The following EEF1AKMT4 variants were observed in gnomAD, a reference collection of about 807,000 sequenced individuals.
The protein encoded by EEF1AKMT4 is eukaryotic translation elongation factor 1 alpha lysine specific methyltransferase 4.
In EEF1AKMT4, 17 loss-of-function variants were observed where a neutral mutation model predicts 23.0. The observed-to-expected ratio is 0.74, with a 90% CI of 0.51 to 1.11. The LOEUF (loss-of-function observed/expected upper bound fraction) is 1.11. EEF1AKMT4 is among the 50% of genes least tolerant of loss of function. The probability of loss-of-function intolerance (pLI) is 0.00; values close to 1 mark genes in which losing one functional copy is unlikely to be tolerated. For missense variants in EEF1AKMT4, 318 were observed against 333.4 expected, an observed-to-expected ratio of 0.95 and a Z score of 0.36; for synonymous variants, 140 against 141.4, an observed-to-expected ratio of 0.99 and a Z score of 0.07.
chr3:184,255,118 A>C (rs1719736833), intron 1 of EEF1AKMT4, among the ~76,000 whole-genome samples: 2 of 152,228 alleles, frequency 1.3e-5, no homozygotes, highest in African/African-American at 4.8e-5. Context: ...GAACAAAGGA[A>C]GGAAATCTGG....
At position 184,258,755 on chromosome 3, in the gene EEF1AKMT4, C is replaced by T. The variant is rs1719926092; in HGVS notation, c.*180C>T. 1 of 1,297,560 alleles carries T rather than the reference C, an allele frequency of 7.7e-7. No homozygotes were observed. The highest frequency in any genetic ancestry group is 2.7e-5 in the South Asian group (1 of 37,386). 80.4% of individuals were successfully genotyped at this position (1,297,560 alleles called of 1,614,324 possible). On this transcript the variant is annotated 3_prime_UTR_variant, in exon 3 of 3. Transcript: ENST00000324557. ...CAATACAGCCCAGCTCCAACTAGAT[C>T]CAGATTCCAGGTTTCTTGCTTCTTT...
chr3:184,255,942 G>T (rs1230864063), intron 1 of EEF1AKMT4, among the ~76,000 whole-genome samples: 1 of 152,160 alleles, frequency 6.6e-6, no homozygotes, highest in Non-Finnish European at 1.5e-5. Flanking sequence ...TTGAGGGCAG[G>T]GACTTTTATT....
At chr3:184,252,254 T>TA (rs1214232515) in intron 1 of EEF1AKMT4, among the ~76,000 whole-genome samples, 8 of 152,016 alleles carry the variant, frequency 5.3e-5, no homozygotes, top group African/African-American at 1.9e-4. Flanking sequence ...ACTGATGCTT[T>TA]AAAAAAAATC....
intron 2 of EEF1AKMT4, 143 bp downstream of exon 2, chr3:184,257,899 G>A (rs2108451976): frequency 9.4e-7 from 1 of 1,069,378 alleles, no homozygotes; most frequent in Non-Finnish European, 1.3e-6. Context: ...TCTCTGAAGG[G>A]AGGGAAGGGT....
intron 1 of EEF1AKMT4, 27 bp downstream of exon 1, chr3:184,249,917 A>G (rs1238985995): frequency 6.3e-7 from 1 of 1,599,126 alleles, no homozygotes; most frequent in African/African-American, 1.3e-5. Context: ...CGGCCCCGCC[A>G]GGTAGAGCTG....
chr3:184,258,626 A>G lies in EEF1AKMT4; in HGVS notation c.*51A>G. ...CCTGCCATTCTGCCCTGGGCTCCTCAGGTAGTTGGAATTCCTGACTTAGGA... is the reference window on the plus strand; with the variant it reads ...CCTGCCATTCTGCCCTGGGCTCCTCGGGTAGTTGGAATTCCTGACTTAGGA... On this transcript the variant is annotated 3_prime_UTR_variant, in exon 3 of 3. Coordinates refer to ENST00000324557, the MANE Select transcript of EEF1AKMT4 (RefSeq NM_032331.4). 1 of 1,515,552 alleles carries G rather than the reference A, an allele frequency of 6.6e-7. No homozygotes were observed. The allele number at this position is 1,515,552 out of a possible 1,614,324, so 93.9% of individuals were successfully genotyped here.
chr3:184,257,302 C>T (rs1050423727), intron 1 of EEF1AKMT4, among the ~76,000 whole-genome samples, 171 bp from the exon 2 acceptor site: 4 of 152,122 alleles, frequency 2.6e-5, no homozygotes, highest in Non-Finnish European at 5.9e-5. Flanking sequence ...GGGTTTGCAC[C>T]CAGGCCTGTG....
rs1331965044 is a variant in EEF1AKMT4 at position 184,257,761 on chromosome 3, G to A, written c.480+5G>A. 1 of 1,607,100 alleles carries A rather than the reference G, an allele frequency of 6.2e-7. No homozygotes were observed. On this transcript the variant is annotated splice_donor_5th_base_variant and intron_variant, in intron 2 of 2. Transcript: ENST00000324557. ...GTGGACCAGGTGTTGAGTGAGGTGA[G>A]GGAGCAACAAGAGAGGAAAGCAGAT...
In EEF1AKMT4 at chr3:184,257,574, C is replaced by T. The variant is rs892572688; in HGVS notation, c.298C>T (p.Arg100Cys). The change falls in exon 2 of 3, where the codon CGC (arginine) becomes TGC (cysteine). Residue 100 changes from arginine to cysteine, a missense_variant. Physicochemically the swap from Arg to Cys is radical, Grantham distance 180. Transcript: ENST00000324557. ...SSVVVAAMQA[R>C]HAHVPQLRWE... ...AGTCGTGGTGGCTGCCATGCAGGCTCGCCATGCCCATGTGCCGCAGCTGCG... is the reference window on the plus strand; with the variant it reads ...AGTCGTGGTGGCTGCCATGCAGGCTTGCCATGCCCATGTGCCGCAGCTGCG... 12 of 1,614,036 alleles carry T rather than the reference C, an allele frequency of 7.4e-6. No individual in the cohort carries two copies. The highest frequency in any genetic ancestry group is 1.3e-5 in the African/African-American group (1 of 74,934).
intron 1 of EEF1AKMT4, among the ~76,000 whole-genome samples, chr3:184,251,410 G>A (rs1719547189): frequency 6.6e-6 from 1 of 151,802 alleles, no homozygotes; most frequent in East Asian, 1.9e-4. Context: ...GCACGTGCCT[G>A]TAATCCCAGG....
intron 1 of EEF1AKMT4, among the ~76,000 whole-genome samples, chr3:184,250,126 G>C (rs1719461319): frequency 6.6e-6 from 1 of 152,212 alleles, no homozygotes; most frequent in Admixed American, 6.5e-5. Context: ...TTGAGCGTTG[G>C]GGGTACCCAA....
At position 184,257,469 on chromosome 3, in the gene EEF1AKMT4, C is replaced by T. The variant is rs1719862049; in HGVS notation, c.197-4C>T. Reference sequence around the variant, plus strand: ...CTTTTGCTACCCATTCCCTCCCACCCCAGGTTGCGGGAACAGTGCCCTGAG... The same window carrying T: ...CTTTTGCTACCCATTCCCTCCCACCTCAGGTTGCGGGAACAGTGCCCTGAG... On this transcript the variant is annotated splice_region_variant and splice_polypyrimidine_tract_variant and intron_variant, in intron 1 of 2. Transcript: ENST00000324557. The T allele has an allele frequency of 6.3e-7, 1 of 1,592,274 alleles. No homozygotes were observed.
At chr3:184,256,662 A>G (rs1560171575) in intron 1 of EEF1AKMT4, among the ~76,000 whole-genome samples, 1 of 151,688 alleles carries the variant, frequency 6.6e-6, no homozygotes, top group Non-Finnish European at 1.5e-5. Context: ...TACAGTTCTT[A>G]ATTCTTTTTT....
intron 1 of EEF1AKMT4, among the ~76,000 whole-genome samples, chr3:184,254,516 AACACGGTGAAACCCCGTCTCT>A (rs1482814007): frequency 2.6e-5 from 4 of 150,998 alleles, no homozygotes; most frequent in Admixed American, 6.6e-5. Context: ...CATCCTGGCT[AACACGGTGAAACCCCGTCTCT>A]ACTAAAAAAA....
chr3:184,251,697 G>A (rs1010835938), intron 1 of EEF1AKMT4, among the ~76,000 whole-genome samples: 1 of 152,158 alleles, frequency 6.6e-6, no homozygotes, highest in East Asian at 1.9e-4. Context: ...ATGAGACCCT[G>A]TCTCAAAACA....
chr3:184,250,405 G>A (rs1259944870), intron 1 of EEF1AKMT4, among the ~76,000 whole-genome samples: 3 of 152,166 alleles, frequency 2.0e-5, no homozygotes, highest in African/African-American at 4.8e-5. Context: ...TCTGAAACTT[G>A]GTCCTATGCC....
chr3:184,250,149 A>G (rs1040824170), intron 1 of EEF1AKMT4, among the ~76,000 whole-genome samples: 1 of 152,144 alleles, frequency 6.6e-6, no homozygotes, highest in African/African-American at 2.4e-5. Context: ...CCCTGTCCGG[A>G]CCCTCGGGAG....
Position 184,258,305 on chromosome 3 carries a change from C to T in EEF1AKMT4, c.498C>T (p.Val166=). Residue 166 remains valine (V), a synonymous_variant, in exon 3 of 3, where the codon GTC becomes GTT. Coordinates refer to ENST00000324557, the MANE Select transcript of EEF1AKMT4 (RefSeq NM_032331.4). The part of the protein sequence containing the change: ...QVLSEVSRVL[V]PGGRFISMTS... The stretch of plus-strand genomic sequence containing the variant: ...CCTTGCAGGTGAGCCGCGTGCTTGT[C>T]CCTGGAGGCCGGTTTATCTCAATGA... The T allele has an allele frequency of 1.2e-6, 2 of 1,611,996 alleles. No individual in the cohort carries two copies. The highest frequency in any genetic ancestry group is 1.7e-6 in the Non-Finnish European group (2 of 1,178,696).
chr3:184,256,836 A>T (rs1174733656), intron 1 of EEF1AKMT4, among the ~76,000 whole-genome samples: 2 of 150,288 alleles, frequency 1.3e-5, no homozygotes, highest in Admixed American at 1.3e-4. Context: ...ACGCCTGGCT[A>T]ATTTTGTATT....
Sources: gnomAD v4.1 joint callset for allele counts (sites outside exome capture counted in the v4.1 genomes callset) on GRCh38, gnomAD v4.1.1 for gene constraint, MANE v1.5 for transcripts, NCBI Gene and HGNC (gene_info 2026-07-23, HGNC 2026-07-21) for gene names.